The following RBFOX1 variants were observed in gnomAD, a reference collection of about 807,000 sequenced individuals.
RBFOX1 encodes RNA binding fox-1 homolog 1.
Under a neutral mutation model 57.7 loss-of-function variants are expected in RBFOX1, and 8 were observed. That is an observed-to-expected ratio of 0.14 (90% confidence interval 0.08 to 0.25). RBFOX1 has a LOEUF of 0.25. RBFOX1 is among the 10% of genes least tolerant of loss of function. The pLI is 1.00. For missense variants in RBFOX1, 611 were observed against 548.5 expected (o/e 1.11, Z -1.14); for synonymous variants, 326 against 222.4 (o/e 1.47, Z -4.15).
intron 3 of RBFOX1, among the ~76,000 whole-genome samples, chr16:6,975,893 G>T (rs1221884615): frequency 6.6e-6 from 1 of 152,122 alleles, no homozygotes; most frequent in East Asian, 1.9e-4. Context: ...TTGGGAGGCT[G>T]AGGTAGGTGG....
chr16:7,436,509 C>T (rs1483154376), intron 4 of RBFOX1, among the ~76,000 whole-genome samples: 9 of 152,194 alleles, frequency 5.9e-5, no homozygotes, highest in Non-Finnish European at 1.2e-4. Flanking sequence ...AACAGCATGG[C>T]GTTATGCCTC....
At chr16:5,875,390 C>G (rs1299325002) in intron 4 of RBFOX1, among the ~76,000 whole-genome samples, 2 of 152,132 alleles carry the variant, frequency 1.3e-5, no homozygotes, top group African/African-American at 4.8e-5. Flanking sequence ...TATCTCCAGT[C>G]CCAGTGAGTG....
intron 2 of RBFOX1, among the ~76,000 whole-genome samples, chr16:6,360,948 T>TTTTTCTTTTA (rs2088374643): frequency 6.7e-6 from 1 of 150,292 alleles, no homozygotes. Flanking sequence ...TTTCACATCT[T>TTTTTCTTTTA]TTTTATTTTA....
At chr16:7,399,639 A>G (rs1044250480) in intron 4 of RBFOX1, among the ~76,000 whole-genome samples, 2 of 152,074 alleles carry the variant, frequency 1.3e-5, no homozygotes, top group Non-Finnish European at 2.9e-5. Context: ...CTCCATCTTC[A>G]TATGGCATTC....
chr16:7,362,875 C>G (rs2097356407), intron 4 of RBFOX1, among the ~76,000 whole-genome samples: 1 of 152,242 alleles, frequency 6.6e-6, no homozygotes, highest in African/African-American at 2.4e-5. Context: ...GTTAAGAGTC[C>G]AGATGTGAGA....
intron 3 of RBFOX1, among the ~76,000 whole-genome samples, chr16:5,727,843 A>G (rs1230214202): frequency 1.3e-5 from 2 of 152,116 alleles, no homozygotes. Flanking sequence ...GTGCGCCACC[A>G]TGCCCACTAA....
At chr16:5,662,512 G>A (rs1181300181) in intron 3 of RBFOX1, among the ~76,000 whole-genome samples, 2 of 152,156 alleles carry the variant, frequency 1.3e-5, no homozygotes, top group African/African-American at 4.8e-5. Flanking sequence ...TTACCATGAA[G>A]TTGTTTTGAC....
intron 1 of RBFOX1, among the ~76,000 whole-genome samples, chr16:6,195,893 C>T (rs1567656917): frequency 6.6e-6 from 1 of 152,164 alleles, no homozygotes; most frequent in Admixed American, 6.5e-5. Context: ...GATCCTAACA[C>T]ATCTCCAGAA....
At chr16:6,127,780 A>G (rs1423731265) in intron 1 of RBFOX1, among the ~76,000 whole-genome samples, 2 of 152,346 alleles carry the variant, frequency 1.3e-5, no homozygotes, top group East Asian at 3.9e-4. Flanking sequence ...CAGTTGAGTG[A>G]CATTGACTTG....
intron 1 of RBFOX1, among the ~76,000 whole-genome samples, chr16:6,210,503 G>C (rs377195090): frequency 6.6e-6 from 1 of 152,044 alleles, no homozygotes; most frequent in Admixed American, 6.5e-5. Flanking sequence ...GCTGAGACAA[G>C]AGGATCACTT....
chr16:6,881,589 C>A (rs954939414), intron 3 of RBFOX1, among the ~76,000 whole-genome samples: 1 of 152,194 alleles, frequency 6.6e-6, no homozygotes, highest in African/African-American at 2.4e-5. Flanking sequence ...GTCATACTGG[C>A]TTACAGCCCA....
rs147650768 is a variant in RBFOX1, at chr16:6,183,486, T to TTAAG, written c.-126-133506_-126-133505insGTAA. Reference sequence around the variant, plus strand: ...CAGAGCAAGGCTCCATCTAAAAAAATTAAATAAATAAATAAATAAATAAAT... The same window carrying TTAAG: ...CAGAGCAAGGCTCCATCTAAAAAAATTAAGTAAATAAATAAATAAATAAATAAAT... On this transcript the variant is annotated intron_variant, in intron 1 of 15. Coordinates refer to ENST00000550418, the MANE Select transcript of RBFOX1 (RefSeq NM_018723.4). Among the ~76,000 whole-genome samples the TTAAG allele has an allele frequency of 3.0e-3, 425 of 140,894 alleles. 1 individual carries two copies. Among genetic ancestry groups the TTAAG allele is most frequent in the African/African-American group, 0.011 (411 of 38,278 alleles). The allele number at this position is 140,894 out of a possible 152,430, so 92.4% of individuals were successfully genotyped here. A position where few individuals can be genotyped will look rare whatever the true frequency, so the allele number is the denominator to read the frequency against.
chr16:7,060,727 C>A (rs901959396), intron 4 of RBFOX1, among the ~76,000 whole-genome samples: 2 of 152,182 alleles, frequency 1.3e-5, no homozygotes, highest in African/African-American at 2.4e-5. Flanking sequence ...GACATTTCCA[C>A]GTATACATCC....
At chr16:6,631,812 G>A (rs1211195331) in intron 2 of RBFOX1, among the ~76,000 whole-genome samples, 2 of 152,052 alleles carry the variant, frequency 1.3e-5, no homozygotes, top group Non-Finnish European at 2.9e-5. Flanking sequence ...TGCAGGGGGC[G>A]GGGGTAGAGC....
At chr16:6,737,305 T>G (rs1215563945) in intron 3 of RBFOX1, among the ~76,000 whole-genome samples, 1 of 152,234 alleles carries the variant, frequency 6.6e-6, no homozygotes, top group Non-Finnish European at 1.5e-5. Flanking sequence ...TACCCTTATA[T>G]GTTATTTATA....
chr16:6,073,638 A>G (rs1377338378), intron 1 of RBFOX1, among the ~76,000 whole-genome samples: 3 of 152,184 alleles, frequency 2.0e-5, no homozygotes, highest in African/African-American at 7.2e-5. Context: ...GTTAAAGGCT[A>G]TTACAGAAAA....
intron 4 of RBFOX1, among the ~76,000 whole-genome samples, chr16:5,912,671 A>G (rs779868239): frequency 6.6e-6 from 1 of 152,206 alleles, no homozygotes; most frequent in Non-Finnish European, 1.5e-5. Flanking sequence ...TGGGGTTTTT[A>G]AATCAGTGCA....
chr16:5,918,112 A>G (rs2058748316), intron 4 of RBFOX1, among the ~76,000 whole-genome samples: 1 of 151,998 alleles, frequency 6.6e-6, no homozygotes, highest in South Asian at 2.1e-4. Context: ...CTGCAGTTTT[A>G]CGTTTATTTT....
At chr16:6,674,800 C>T (rs2057333904) in intron 3 of RBFOX1, among the ~76,000 whole-genome samples, 1 of 152,134 alleles carries the variant, frequency 6.6e-6, no homozygotes, top group Non-Finnish European at 1.5e-5. Flanking sequence ...CCTAGAGTCC[C>T]CAGAGAAAAC....
Sources: allele counts gnomAD v4.1 joint callset (sites outside exome capture counted in the v4.1 genomes callset), GRCh38; gene constraint gnomAD v4.1.1; transcripts MANE v1.5; gene names NCBI Gene and HGNC (gene_info 2026-07-23, HGNC 2026-07-21).